Variants in TEX261 observed in about 807,000 individuals in gnomAD.
TEX261 encodes protein TEX261.
A neutral mutation model predicts 25.1 loss-of-function variants in TEX261; 13 were observed. The observed-to-expected ratio is 0.52, with a 90% CI of 0.34 to 0.82. The LOEUF is 0.82. TEX261 is among the 40% of genes least tolerant of loss of function. The pLI is 0.02. For missense variants in TEX261, 206 were observed against 243.2 expected (o/e 0.85, Z 1.02); for synonymous variants, 92 against 97.8 (o/e 0.94, Z 0.35).
intron 3 of TEX261, among the ~76,000 whole-genome samples, chr2:70,990,523 G>A (rs1246484198): frequency 2.0e-5 from 3 of 152,170 alleles, no homozygotes; most frequent in Non-Finnish European, 4.4e-5. Flanking sequence ...CTGCTCAAGA[G>A]ACAGTCATCC....
At chr2:70,991,477 C>A (rs1670297455) in intron 3 of TEX261, among the ~76,000 whole-genome samples, 1 of 152,232 alleles carries the variant, frequency 6.6e-6, no homozygotes, top group South Asian at 2.1e-4. Context: ...TGCCTGCCTA[C>A]CGGAAGGGCT....
chr2:70,989,946 T>C, intron 3 of TEX261, 130 bp from the exon 4 acceptor site: 1 of 694,526 alleles, frequency 1.4e-6, no homozygotes, highest in Non-Finnish European at 2.6e-6. Context: ...CAACTCAGAG[T>C]AGGCTACTGC....
rs781867281 is a variant in TEX261, at chr2:70,993,868, C to T, written c.71-93G>A. 2.1e-5 allele frequency: 20 copies of T among 964,586 alleles called. No homozygotes were observed. The Admixed American group carries it at 3.2e-4, about 15-fold the overall frequency. 59.8% of individuals were successfully genotyped at this position (964,586 alleles called of 1,614,324 possible). A position where few individuals can be genotyped will look rare whatever the true frequency, so the allele number is the denominator to read the frequency against. Reference sequence around the variant, plus strand: ...TGCAGCCCAGTCCCCATCCACCCTTCATGGACCCCAGAAGGTCAAGAACAA... The same window carrying T: ...TGCAGCCCAGTCCCCATCCACCCTTTATGGACCCCAGAAGGTCAAGAACAA... On this transcript the variant is annotated intron_variant, in intron 1 of 5. Coordinates refer to ENST00000272438, the MANE Select transcript of TEX261 (RefSeq NM_144582.3).
At position 70,989,824 on chromosome 2, in the gene TEX261, G is replaced by C. The variant is rs374342218; in HGVS notation, c.305-8C>G. On this transcript the variant is annotated splice_region_variant and splice_polypyrimidine_tract_variant and intron_variant, in intron 3 of 5. Transcript: ENST00000272438. ...GATTCACCACCACTAGTCCTGTTGA[G>C]GGAATGAAGAGTCAGTCAGTTTAAG... The C allele has an allele frequency of 6.2e-7, 1 of 1,606,890 alleles. No individual in the cohort carries two copies. Among genetic ancestry groups the C allele is most frequent in the Non-Finnish European group, 8.5e-7 (1 of 1,173,512 alleles).
intron 4 of TEX261, 189 bp downstream of exon 4, chr2:70,989,560 G>A (rs539630459): frequency 1.2e-5 from 7 of 574,442 alleles, no homozygotes; most frequent in South Asian, 4.0e-5. Flanking sequence ...TCCCCACCTC[G>A]GCCAAATGAG....
At chr2:70,991,672 A>T in intron 3 of TEX261, 158 bp downstream of exon 3, 1 of 805,630 alleles carries the variant, frequency 1.2e-6, no homozygotes, top group Non-Finnish European at 1.9e-6. Context: ...GGTGGGCTCT[A>T]GAGTCCTCAG....
intron 4 of TEX261, chr2:70,989,514 G>A (rs1175613757): frequency 3.8e-6 from 2 of 525,216 alleles, no homozygotes; most frequent in Non-Finnish European, 6.8e-6. Flanking sequence ...CCCCTCGAGG[G>A]GGACCCAAAG....
Position 70,989,084 on chromosome 2 carries a change from T to C in TEX261, c.373-67A>G, listed in dbSNP as rs1670252405. On this transcript the variant is annotated intron_variant, in intron 4 of 5. Coordinates refer to ENST00000272438, the MANE Select transcript of TEX261 (RefSeq NM_144582.3). ...CCAAGAGTGGGCTGGGTGTGGTGAC[T>C]GCGTGTTGGTCAAGAGTGCACAGGG... 10 of 1,394,722 alleles carry C rather than the reference T, an allele frequency of 7.2e-6. No homozygotes were observed. In the South Asian group the frequency reaches 1.1e-4, roughly 15 times the overall value. 86.4% of individuals were successfully genotyped at this position (1,394,722 alleles called of 1,614,324 possible).
At position 70,986,744 on chromosome 2, in the gene TEX261, G is replaced by T. The variant is rs1017902615; in HGVS notation, c.*1856C>A. ...GCACCTAGAGGGCAGCAAAACTGTG[G>T]TTCAGGTGATCAGGAAGGATGTTGG... is the stretch of plus-strand genomic sequence containing the variant. On this transcript the variant is annotated 3_prime_UTR_variant, in exon 6 of 6. Coordinates refer to ENST00000272438, the MANE Select transcript of TEX261 (RefSeq NM_144582.3). 1.3e-5 allele frequency: 2 copies of T among 152,638 alleles called. No individual in the cohort carries two copies. Among genetic ancestry groups the T allele is most frequent in the Non-Finnish European group, 2.9e-5 (2 of 68,080 alleles). 9.5% of individuals were successfully genotyped at this position (152,638 alleles called of 1,614,324 possible).
chr2:70,988,976 A>C lies in TEX261; in HGVS notation c.414T>G (p.Phe138Leu), dbSNP rs1670249742. The change falls in exon 5 of 6, where the codon TTT (phenylalanine) becomes TTG (leucine). Residue 138 changes from phenylalanine (F) to leucine (L), a missense_variant. By Grantham distance (22) the Phe-to-Leu change is conservative. Coordinates refer to ENST00000272438, the MANE Select transcript of TEX261 (RefSeq NM_144582.3). ...YFTFCLWIIP[F>L]AFFVSLSAGE... is the part of the protein sequence containing the mutation. ...CGGCCGAAAGTGACACAAAAAACGC[A>C]AACGGAATTATCCACAGGCAGAAAG... The C allele has an allele frequency of 1.9e-6, 3 of 1,614,012 alleles. No individual in the cohort carries two copies. The highest frequency in any genetic ancestry group is 1.7e-5 in the Admixed American group (1 of 59,986).
intron 1 of TEX261, chr2:70,994,378 C>T (rs1487783542): frequency 4.1e-6 from 2 of 485,618 alleles, no homozygotes; most frequent in South Asian, 2.2e-5. Flanking sequence ...GGAAAAGTTC[C>T]GCGCGGCAGG....
chr2:70,994,858 G>C lies in TEX261; in HGVS notation c.-101C>G. 8.2e-7 allele frequency: 1 copy of C among 1,216,162 alleles called. No homozygotes were observed. 75.3% of individuals were successfully genotyped at this position (1,216,162 alleles called of 1,614,324 possible). On this transcript the variant is annotated 5_prime_UTR_variant, in exon 1 of 6. Coordinates refer to ENST00000272438, the MANE Select transcript of TEX261 (RefSeq NM_144582.3). ...CCGCCGCCGCCGCCGCCGCGTCCCCGCCCCGCGGACGACAGGACGACGGTG... is the reference window on the plus strand; with the variant it reads ...CCGCCGCCGCCGCCGCCGCGTCCCCCCCCCGCGGACGACAGGACGACGGTG...
At chr2:70,988,788 G>T in intron 5 of TEX261, 73 bp from the exon 6 acceptor site, 1 of 1,515,068 alleles carries the variant, frequency 6.6e-7, no homozygotes, top group Non-Finnish European at 9.2e-7. Context: ...GTGTGAACAC[G>T]GCCCTCCCAA....
At chr2:70,989,448 T>C in intron 4 of TEX261, 1 of 430,792 alleles carries the variant, frequency 2.3e-6, no homozygotes, top group Non-Finnish European at 4.3e-6. Context: ...ATCCCTGCCC[T>C]GTGAGGACTG....
In TEX261 at chr2:70,988,932, G is replaced by A. The variant is rs538357777; in HGVS notation, c.458C>T (p.Ser153Phe). The A allele has an allele frequency of 2.0e-4, 323 of 1,613,964 alleles. No homozygotes were observed. Among genetic ancestry groups the A allele is most frequent in the Non-Finnish European group, 2.6e-4 (311 of 1,179,994 alleles). ...SLSAGENVLP[S>F]TMQPGDDVVS... ...CTTCTCACCTCCTGGCTGCATGGTA[G>A]AGGGCAGGACGTTCTCCCCGGCCGA... The change falls in exon 5 of 6, where the codon TCT (serine) becomes TTT (phenylalanine). Residue 153 changes from serine to phenylalanine, a missense_variant. Physicochemically the swap from Ser to Phe is radical, Grantham distance 155 (BLOSUM62 -2). Coordinates refer to ENST00000272438, the MANE Select transcript of TEX261 (RefSeq NM_144582.3).
Position 70,988,715 on chromosome 2 carries a change from T to A in TEX261, c.476A>T (p.Asp159Val). ...GGTGAAATAATTGGAGACGACATCA[T>A]CTGTGGAGATACAGGCAAGAATATG... ...NVLPSTMQPG[D>V]DVVSNYFTKG... is the part of the protein sequence containing the mutation. The change falls in exon 6 of 6, where the codon GAT becomes GTT. Residue 159 changes from aspartate to valine, a missense_variant and splice_region_variant. Asp to Val is a radical substitution (Grantham distance 152). Coordinates refer to ENST00000272438, the MANE Select transcript of TEX261 (RefSeq NM_144582.3). 6.2e-7 allele frequency: 1 copy of A among 1,612,432 alleles called. No individual in the cohort carries two copies. Among genetic ancestry groups the A allele is most frequent in the Non-Finnish European group, 8.5e-7 (1 of 1,178,454 alleles).
In TEX261 at chr2:70,994,392, G is replaced by C; in HGVS notation, c.70+296C>G. On this transcript the variant is annotated intron_variant, in intron 1 of 5. Coordinates refer to ENST00000272438, the MANE Select transcript of TEX261 (RefSeq NM_144582.3). ...GGGAAAAGTTCCGCGCGGCAGGCCC[G>C]CGAAGAGTGGGAGCCGCAGCGGTTA... 5.9e-6 allele frequency: 3 copies of C among 504,812 alleles called. No individual in the cohort carries two copies. The South Asian group carries it at 6.5e-5, about 11-fold the overall frequency. The allele number at this position is 504,812 out of a possible 1,614,324, so 31.3% of individuals were successfully genotyped here.
intron 4 of TEX261, 89 bp from the exon 5 acceptor site, chr2:70,989,106 A>T: frequency 8.9e-7 from 1 of 1,118,690 alleles, no homozygotes; most frequent in Non-Finnish European, 1.3e-6. Flanking sequence ...AAGAGTGCAC[A>T]GGGGGCCACA....
At chr2:70,993,061 G>C (rs993775594) in intron 2 of TEX261, among the ~76,000 whole-genome samples, 13 of 152,324 alleles carry the variant, frequency 8.5e-5, no homozygotes, top group African/African-American at 2.4e-4. Flanking sequence ...GCCATGCCCA[G>C]AGTGCACATG....
Sources: gnomAD v4.1 joint callset for allele counts (sites outside exome capture counted in the v4.1 genomes callset) on GRCh38, gnomAD v4.1.1 for gene constraint, MANE v1.5 for transcripts, NCBI Gene and HGNC (gene_info 2026-07-23, HGNC 2026-07-21) for gene names.